Variants in ZNF138 observed in about 807,000 individuals in gnomAD.
The protein encoded by ZNF138 is zinc finger protein 138, also known as zinc finger protein 138 (clone pHZ-32).
ZNF138 carries 33 observed loss-of-function variants against 33.0 expected under a neutral mutation model. The observed-to-expected ratio is 1.00, with a 90% CI of 0.76 to 1.34. The LOEUF (loss-of-function observed/expected upper bound fraction) is 1.34. ZNF138 is among the 40% of genes most tolerant of loss of function. ZNF138 has a pLI of 0.00. For missense variants in ZNF138, 360 were observed against 370.8 expected (o/e 0.97, Z 0.24); for synonymous variants, 139 against 120.4 (o/e 1.15, Z -1.01).
the ZNF138 span, among the ~76,000 whole-genome samples, chr7:64,850,770 A>G: frequency 6.6e-6 from 1 of 152,302 alleles, no homozygotes; most frequent in Admixed American, 6.5e-5. Context: ...AAATGTGCCC[A>G]ATAAGTCCCC....
intron 1 of ZNF138, among the ~76,000 whole-genome samples, chr7:64,804,567 C>A (rs555883552): frequency 6.6e-6 from 1 of 151,358 alleles, no homozygotes; most frequent in Admixed American, 6.6e-5. Context: ...TGGATCATTG[C>A]AGTCAGGAGT....
At chr7:64,860,460 A>G in the ZNF138 span, among the ~76,000 whole-genome samples, 4 of 152,162 alleles carry the variant, frequency 2.6e-5, no homozygotes, top group South Asian at 6.2e-4. Flanking sequence ...TTACGTTTTT[A>G]CTTACACTAA....
the ZNF138 span, among the ~76,000 whole-genome samples, chr7:64,850,455 C>A: frequency 1.3e-5 from 2 of 152,136 alleles, no homozygotes; most frequent in Non-Finnish European, 2.9e-5. Flanking sequence ...TAGCCCTTGC[C>A]TCCTGTTCGC....
At chr7:64,825,451 C>G (rs964480974) in intron 3 of ZNF138, among the ~76,000 whole-genome samples, 16 of 149,894 alleles carry the variant, frequency 1.1e-4, no homozygotes, top group Non-Finnish European at 2.1e-4. Flanking sequence ...GATTACAGGC[C>G]TGAGCCACCG....
chr7:64,852,823 G>C, the ZNF138 span: 1 of 842,170 alleles, frequency 1.2e-6, no homozygotes, highest in Non-Finnish European at 2.1e-6. Context: ...TGGGCTGACA[G>C]ACAGTGGTAG....
chr7:64,854,151 G>A, the ZNF138 span, among the ~76,000 whole-genome samples: 1,405 of 152,172 alleles, frequency 9.2e-3, 16 homozygotes, highest in African/African-American at 0.032. Flanking sequence ...TGGTACACAA[G>A]GAATAAATAA....
At chr7:64,853,270 T>C in the ZNF138 span, 1 of 1,611,892 alleles carries the variant, frequency 6.2e-7, no homozygotes. Context: ...TTGTAGCCTG[T>C]GCCCTTCAGT....
At chr7:64,837,498 G>C (rs1323843183), downstream of ZNF138, among the ~76,000 whole-genome samples, 2 of 152,058 alleles carry the variant, frequency 1.3e-5, no homozygotes, top group African/African-American at 4.8e-5. Context: ...AAAGAGGAAG[G>C]GGCGCCTGTA....
intron 3 of ZNF138, among the ~76,000 whole-genome samples, chr7:64,828,617 G>A (rs543258467): frequency 6.6e-6 from 1 of 152,066 alleles, no homozygotes; most frequent in Non-Finnish European, 1.5e-5. Context: ...AAAATTATGA[G>A]TATAAAAATG....
intron 1 of ZNF138, among the ~76,000 whole-genome samples, chr7:64,805,331 G>A (rs1252051822): frequency 6.6e-6 from 1 of 151,718 alleles, no homozygotes; most frequent in African/African-American, 2.4e-5. Context: ...CCCGGAAGGT[G>A]GAGGTTGCAG....
the ZNF138 span, among the ~76,000 whole-genome samples, chr7:64,854,000 CA>C: frequency 6.9e-6 from 1 of 145,448 alleles, no homozygotes; most frequent in Admixed American, 7.1e-5. Flanking sequence ...GGCTCTGTCT[CA>C]AAAAAACAAA....
chr7:64,796,598 C>A (rs1786705009), intron 1 of ZNF138, among the ~76,000 whole-genome samples: 1 of 152,070 alleles, frequency 6.6e-6, no homozygotes, highest in Admixed American at 6.5e-5. Flanking sequence ...TCTCATTTAC[C>A]TTTTTCTTTC....
At chr7:64,795,179 A>T (rs193112450) in intron 1 of ZNF138, among the ~76,000 whole-genome samples, 12 of 152,306 alleles carry the variant, frequency 7.9e-5, no homozygotes, top group Admixed American at 7.2e-4. Context: ...TCAGAGGTTA[A>T]TTGGCAGTTT....
chr7:64,833,774 G>C (rs1259863170), downstream of ZNF138: 3 of 152,128 alleles, frequency 2.0e-5, no homozygotes, highest in African/African-American at 4.8e-5. Flanking sequence ...TCCCAGGCTG[G>C]AGTGCACTGG....
At chr7:64,815,472 A>T in intron 2 of ZNF138, 104 bp from the exon 3 acceptor site, 2 of 905,472 alleles carry the variant, frequency 2.2e-6, no homozygotes, top group East Asian at 2.9e-5. Flanking sequence ...ATATTCTATT[A>T]CATTCTCTTT....
intron 3 of ZNF138, among the ~76,000 whole-genome samples, chr7:64,825,383 A>G (rs924607231): frequency 2.0e-5 from 3 of 151,406 alleles, no homozygotes; most frequent in African/African-American, 4.9e-5. Context: ...CGTGTTAGCC[A>G]GGATGGTCTG....
Position 64,831,734 on chromosome 7 carries a change from T to C in ZNF138, c.492T>C (p.Asn164=). Residue 164 remains asparagine, a synonymous_variant, in exon 4 of 4, where the codon AAT becomes AAC. Coordinates refer to ENST00000307355, the MANE Select transcript of ZNF138 (RefSeq NM_001271639.2). ...GACACAAGATAAGACATACTGAAAA[T>C]AAACATTTCAGATGTAAAGAATGTG... ...SNRHKIRHTE[N]KHFRCKECDK... The C allele has an allele frequency of 6.2e-7, 1 of 1,613,062 alleles. No homozygotes were observed. The highest frequency in any genetic ancestry group is 2.2e-5 in the East Asian group (1 of 44,844).
chr7:64,835,116 C>T (rs1207922138), downstream of ZNF138, among the ~76,000 whole-genome samples: 1 of 152,000 alleles, frequency 6.6e-6, no homozygotes. Context: ...GAGTGTGACA[C>T]GCCCTAGTGG....
intron 1 of ZNF138, among the ~76,000 whole-genome samples, chr7:64,804,920 AC>A (rs1371164486): frequency 6.6e-6 from 1 of 152,052 alleles, no homozygotes; most frequent in African/African-American, 2.4e-5. Flanking sequence ...TCTTCATAAC[AC>A]CCGTGTTTCT....
Sources: allele counts gnomAD v4.1 joint callset (sites outside exome capture counted in the v4.1 genomes callset), GRCh38; gene constraint gnomAD v4.1.1; transcripts MANE v1.5; gene names NCBI Gene and HGNC (gene_info 2026-07-23, HGNC 2026-07-21).